PRR5L: variants seen among roughly 807,000 people sequenced by gnomAD.
The protein encoded by PRR5L is proline-rich protein 5-like.
In PRR5L, 21 loss-of-function variants were observed where a neutral mutation model predicts 36.4. That is an observed-to-expected ratio of 0.58 (90% CI 0.41 to 0.83). PRR5L has a LOEUF of 0.83. PRR5L is among the 40% of genes least tolerant of loss of function. PRR5L has a pLI of 0.00. For missense variants in PRR5L, 381 were observed against 473.3 expected (o/e 0.80, Z 1.81); for synonymous variants, 188 against 197.0 (o/e 0.95, Z 0.38).
rs540789768 is a variant in PRR5L, at chr11:36,440,421, G to C, written c.444+2945G>C. On this transcript the variant is annotated intron_variant, in intron 6 of 8. Transcript: ENST00000530639. ...TAAATCCAGGCCTTTTCTTCTGAGA[G>C]TGTAATGTTTAACCATGGGCTTAGA... 1.4e-4 allele frequency among the ~76,000 whole-genome samples: 22 copies of C among 152,244 alleles called. No homozygotes were observed. The East Asian group carries it at 1.5e-3, about 11-fold the overall frequency.
intron 3 of PRR5L, among the ~76,000 whole-genome samples, chr11:36,412,966 G>A (rs544416953): frequency 2.0e-5 from 3 of 152,080 alleles, no homozygotes; most frequent in Non-Finnish European, 2.9e-5. Flanking sequence ...TTTGGTGGGG[G>A]GAAGGTAGCT....
chr11:36,387,487 T>C (rs1487312839), intron 1 of PRR5L, among the ~76,000 whole-genome samples: 1 of 152,148 alleles, frequency 6.6e-6, no homozygotes, highest in Admixed American at 6.5e-5. Flanking sequence ...GTGAATTAGA[T>C]GATGTGGTAG....
intron 1 of PRR5L, among the ~76,000 whole-genome samples, chr11:36,349,259 G>A (rs2133486656): frequency 6.7e-6 from 1 of 149,402 alleles, no homozygotes; most frequent in East Asian, 2.0e-4. Context: ...ACTCCAGCCT[G>A]GGTGACAGCA....
chr11:36,386,415 T>C (rs1049349684), intron 1 of PRR5L: 3 of 152,220 alleles, frequency 2.0e-5, no homozygotes, highest in African/African-American at 7.2e-5. Flanking sequence ...ACGGGCAAGA[T>C]TTTTGCCTTT....
chr11:36,372,502 G>T (rs1315691329), intron 1 of PRR5L, among the ~76,000 whole-genome samples: 2 of 152,134 alleles, frequency 1.3e-5, no homozygotes, highest in Non-Finnish European at 2.9e-5. Flanking sequence ...TTTGTAAAAT[G>T]GTTTGAACCC....
intron 1 of PRR5L, among the ~76,000 whole-genome samples, chr11:36,387,643 C>A (rs1372783756): frequency 6.6e-6 from 1 of 152,148 alleles, no homozygotes; most frequent in East Asian, 1.9e-4. Flanking sequence ...GAAAGATCAT[C>A]GTGGCCATCA....
chr11:36,411,844 A>G (rs1027357566), intron 3 of PRR5L, among the ~76,000 whole-genome samples: 4 of 152,186 alleles, frequency 2.6e-5, no homozygotes, highest in East Asian at 3.9e-4. Flanking sequence ...TGGGTCCTCA[A>G]TCCCAGTGTA....
chr11:36,374,448 T>TAA (rs529818269), intron 1 of PRR5L, among the ~76,000 whole-genome samples: 128 of 144,590 alleles, frequency 8.9e-4, no homozygotes, highest in African/African-American at 3.2e-3. Context: ...TAGATGCTAT[T>TAA]AAAAAAAAAA....
intron 1 of PRR5L, among the ~76,000 whole-genome samples, chr11:36,364,370 G>A (rs1401013025): frequency 6.6e-6 from 1 of 152,138 alleles, no homozygotes; most frequent in Non-Finnish European, 1.5e-5. Context: ...AATGAATTTA[G>A]TAAAGAGGTT....
At chr11:36,424,072 TTA>T (rs1478608940) in intron 4 of PRR5L, among the ~76,000 whole-genome samples, 2 of 152,246 alleles carry the variant, frequency 1.3e-5, no homozygotes, top group East Asian at 3.8e-4. Flanking sequence ...TTATCATACT[TTA>T]TGAGTCTCCG....
chr11:36,325,470 C>A (rs1286538914), intron 1 of PRR5L, among the ~76,000 whole-genome samples: 1 of 152,208 alleles, frequency 6.6e-6, no homozygotes, highest in African/African-American at 2.4e-5. Flanking sequence ...ACAGAGCTCC[C>A]ATACAAAGGG....
intron 1 of PRR5L, among the ~76,000 whole-genome samples, chr11:36,390,017 G>A (rs1857535255): frequency 6.6e-6 from 1 of 152,180 alleles, no homozygotes. Context: ...ACTAGGCCCT[G>A]TGCTAAGCCC....
intron 3 of PRR5L, among the ~76,000 whole-genome samples, chr11:36,407,775 G>A (rs879492098): frequency 7.2e-5 from 11 of 152,170 alleles, no homozygotes; most frequent in African/African-American, 2.7e-4. Context: ...GACTAGGAAG[G>A]TAGATGTTTT....
intron 3 of PRR5L, among the ~76,000 whole-genome samples, chr11:36,415,667 C>T (rs944077112): frequency 2.6e-5 from 4 of 152,214 alleles, no homozygotes; most frequent in Admixed American, 2.6e-4. Flanking sequence ...TTGCTTGAGC[C>T]CGGGAGGCAG....
At chr11:36,393,519 C>T (rs1328615395) in intron 1 of PRR5L, among the ~76,000 whole-genome samples, 1 of 152,130 alleles carries the variant, frequency 6.6e-6, no homozygotes, top group African/African-American at 2.4e-5. Context: ...GTTCTCTATT[C>T]TGCTCCACTA....
intron 7 of PRR5L, among the ~76,000 whole-genome samples, chr11:36,447,810 G>A (rs1341968489): frequency 3.3e-5 from 5 of 152,144 alleles, no homozygotes; most frequent in East Asian, 1.9e-4. Context: ...GTAATTGGCC[G>A]GAATGCCAGG....
intron 1 of PRR5L, chr11:36,386,376 C>T (rs925177446): frequency 6.6e-6 from 1 of 152,170 alleles, no homozygotes. Context: ...CAGTACTATG[C>T]TAGGCACCAG....
At chr11:36,346,455 A>C (rs1435743367) in intron 1 of PRR5L, among the ~76,000 whole-genome samples, 1 of 151,952 alleles carries the variant, frequency 6.6e-6, no homozygotes, top group Non-Finnish European at 1.5e-5. Flanking sequence ...TGGTGGCAGG[A>C]GTCTGTAGTC....
chr11:36,410,407 G>T (rs1857999124), intron 3 of PRR5L, among the ~76,000 whole-genome samples: 1 of 152,098 alleles, frequency 6.6e-6, no homozygotes, highest in Non-Finnish European at 1.5e-5. Context: ...TTCTTTGCCT[G>T]CCTGCCCCTG....
Sources: allele counts gnomAD v4.1 joint callset (sites outside exome capture counted in the v4.1 genomes callset), GRCh38; gene constraint gnomAD v4.1.1; transcripts MANE v1.5; gene names NCBI Gene and HGNC (gene_info 2026-07-23, HGNC 2026-07-21).